TBXAS1: variants seen among roughly 807,000 people sequenced by gnomAD.
TBXAS1 encodes the protein thromboxane A synthase 1.
Under a neutral mutation model 60.7 loss-of-function variants are expected in TBXAS1, and 48 were observed. The observed-to-expected ratio is 0.79, with a 90% CI of 0.63 to 1.01. The LOEUF is 1.01. TBXAS1 is among the 50% of genes least tolerant of loss of function. The pLI, the probability that TBXAS1 is intolerant of heterozygous loss-of-function variation, is 0.00. For synonymous variants in TBXAS1, 287 were observed against 269.7 expected (o/e 1.06, Z -0.63); for missense variants, 685 against 686.3 (o/e 1.00, Z 0.02).
chr7:139,951,974 G>GAAA (rs1161633532), intron 5 of TBXAS1, among the ~76,000 whole-genome samples: 1 of 141,988 alleles, frequency 7.0e-6, no homozygotes, highest in Non-Finnish European at 1.6e-5. Context: ...AAGAAAGAAA[G>GAAA]AAAGAAAGAA....
At chr7:139,951,770 CTA>C (rs1491320820) in intron 5 of TBXAS1, among the ~76,000 whole-genome samples, 2 of 93,510 alleles carry the variant, frequency 2.1e-5, no homozygotes, top group Non-Finnish European at 4.1e-5. Context: ...AAGACTCTGT[CTA>C]AAAAAAAAAA....
At chr7:139,876,990 C>A (rs971109613) in intron 3 of TBXAS1, among the ~76,000 whole-genome samples, 3 of 152,288 alleles carry the variant, frequency 2.0e-5, no homozygotes, top group Admixed American at 1.3e-4. Context: ...ATGGTAAGGG[C>A]AAAGACTCAA....
chr7:139,861,790 G>T (rs1186383621), intron 1 of TBXAS1, among the ~76,000 whole-genome samples: 6 of 152,190 alleles, frequency 3.9e-5, no homozygotes, highest in African/African-American at 1.4e-4. Context: ...AATTGTCCAT[G>T]TATCAGTCTT....
Position 139,959,936 on chromosome 7 carries a change from C to T in TBXAS1, c.820-1983C>T, listed in dbSNP as rs185059077. On this transcript the variant is annotated intron_variant, in intron 8 of 12. Coordinates refer to ENST00000448866, the MANE Select transcript of TBXAS1 (RefSeq NM_001061.7). Reference sequence around the variant, plus strand: ...CTGCCCCAGCTCTGCTCCATGGGAGCAGGGCCAGCAGTGGGACCACACCAG... The same window carrying T: ...CTGCCCCAGCTCTGCTCCATGGGAGTAGGGCCAGCAGTGGGACCACACCAG... Among the ~76,000 whole-genome samples the T allele has an allele frequency of 1.2e-3, 182 of 152,274 alleles. 2 individuals are homozygous for T. The highest frequency in any genetic ancestry group is 4.2e-3 in the African/African-American group (174 of 41,548).
Position 139,802,615 on chromosome 7 carries a change from T to C in TBXAS1, c.-80+15189T>C, listed in dbSNP as rs554790782. Among the ~76,000 whole-genome samples, 9 of 152,268 alleles carry C rather than the reference T, an allele frequency of 5.9e-5. No homozygotes were observed. The East Asian group carries it at 9.6e-4, about 16-fold the overall frequency. ...ACCTGGCCAACATGGTGAAGCCCCA[T>C]GTCTGCTGAAAATACAAAAATTAGC... On this transcript the variant is annotated intron_variant, in intron 4 of 16. Coordinates refer to the TBXAS1 transcript ENST00000336425.
chr7:139,990,977 C>A (rs1032026138), intron 9 of TBXAS1, among the ~76,000 whole-genome samples: 1 of 152,068 alleles, frequency 6.6e-6, no homozygotes, highest in Non-Finnish European at 1.5e-5. Context: ...AGCAGAGACA[C>A]GAAGACAAAA....
chr7:139,921,492 A>G (rs1806466381), intron 4 of TBXAS1, among the ~76,000 whole-genome samples: 1 of 152,146 alleles, frequency 6.6e-6, no homozygotes, highest in African/African-American at 2.4e-5. Flanking sequence ...TGAGCCCAGG[A>G]GTTCGAGACT....
chr7:139,920,411 G>A (rs1473894133), intron 4 of TBXAS1, among the ~76,000 whole-genome samples: 1 of 152,158 alleles, frequency 6.6e-6, no homozygotes, highest in African/African-American at 2.4e-5. Context: ...GGAAACAAAG[G>A]GCCCATAGGC....
chr7:140,003,471 C>A (rs906405791), intron 9 of TBXAS1, among the ~76,000 whole-genome samples: 1 of 152,322 alleles, frequency 6.6e-6, no homozygotes, highest in East Asian at 1.9e-4. Context: ...TCCCAAAGTG[C>A]TGGGATTACA....
intron 9 of TBXAS1, among the ~76,000 whole-genome samples, chr7:139,966,525 C>T (rs952652207): frequency 6.6e-6 from 1 of 152,248 alleles, no homozygotes; most frequent in Non-Finnish European, 1.5e-5. Flanking sequence ...CCTTCTCAGG[C>T]ACATCTTCCC....
chr7:139,795,716 T>A (rs996460695), intron 4 of TBXAS1, among the ~76,000 whole-genome samples: 3 of 152,014 alleles, frequency 2.0e-5, no homozygotes, highest in African/African-American at 7.3e-5. Context: ...AGGGATCCAG[T>A]TTCAGCTTTC....
At chr7:139,890,519 T>C (rs1366794414) in intron 3 of TBXAS1, among the ~76,000 whole-genome samples, 5 of 152,106 alleles carry the variant, frequency 3.3e-5, no homozygotes, top group Admixed American at 2.6e-4. Context: ...CCGGCCAGGA[T>C]GCAGTCTTTA....
intron 9 of TBXAS1, among the ~76,000 whole-genome samples, chr7:139,972,820 T>G (rs1041315476): frequency 1.4e-4 from 22 of 152,156 alleles, no homozygotes; most frequent in African/African-American, 4.8e-4. Context: ...CCTCGTCCGC[T>G]GGGTACCTTG....
At chr7:139,793,232 C>T (rs1797444430) in intron 4 of TBXAS1, among the ~76,000 whole-genome samples, 4 of 152,032 alleles carry the variant, frequency 2.6e-5, no homozygotes, top group Admixed American at 2.6e-4. Context: ...GCCTGGCCAA[C>T]ATAGTGAAAC....
chr7:139,957,804 G>C, intron 8 of TBXAS1, 40 bp downstream of exon 8: 1 of 1,613,274 alleles, frequency 6.2e-7, no homozygotes, highest in Non-Finnish European at 8.5e-7. Context: ...AAATGGAATG[G>C]AGCCGACTTT....
intron 1 of TBXAS1, among the ~76,000 whole-genome samples, chr7:139,834,349 A>G (rs1277581325): frequency 1.3e-5 from 2 of 152,340 alleles, no homozygotes; most frequent in African/African-American, 4.8e-5. Flanking sequence ...CTAAACACCT[A>G]CATCAAAAAG....
At chr7:139,959,251 G>A (rs574318044) in intron 8 of TBXAS1, among the ~76,000 whole-genome samples, 46 of 152,332 alleles carry the variant, frequency 3.0e-4, no homozygotes, top group African/African-American at 1.1e-3. Context: ...TCAAGACAGA[G>A]CTATACGGTT....
At chr7:139,936,901 T>C (rs1056121762) in intron 5 of TBXAS1, among the ~76,000 whole-genome samples, 2 of 152,072 alleles carry the variant, frequency 1.3e-5, no homozygotes, top group South Asian at 2.1e-4. Flanking sequence ...CAGGTTAACC[T>C]CTAGGCCAAG....
chr7:139,972,926 A>T (rs537656893), intron 9 of TBXAS1, among the ~76,000 whole-genome samples: 2 of 152,222 alleles, frequency 1.3e-5, no homozygotes, highest in African/African-American at 4.8e-5. Flanking sequence ...AACCAACTCC[A>T]AGCACAGATT....
Sources: allele counts gnomAD v4.1 joint callset (sites outside exome capture counted in the v4.1 genomes callset), GRCh38; gene constraint gnomAD v4.1.1; transcripts MANE v1.5; gene names NCBI Gene and HGNC (gene_info 2026-07-23, HGNC 2026-07-21).